Variants in PPIL4 observed in about 807,000 individuals in gnomAD.
PPIL4 encodes peptidyl-prolyl cis-trans isomerase-like 4.
PPIL4 carries 50 observed loss-of-function variants against 69.1 expected under a neutral mutation model. The observed-to-expected ratio is 0.72, with a 90% CI of 0.58 to 0.92. The LOEUF (loss-of-function observed/expected upper bound fraction) is 0.92. Among genes scored for constraint, PPIL4 ranks in the 40% least tolerant of loss-of-function variants. The pLI is 0.00. For missense variants in PPIL4, 480 were observed against 587.9 expected (o/e 0.82, Z 1.90); for synonymous variants, 193 against 191.6 (o/e 1.01, Z -0.06).
intron 6 of PPIL4, 49 bp downstream of exon 6, chr6:149,534,629 C>G (rs1030442922): frequency 1.0e-6 from 1 of 955,742 alleles, no homozygotes; most frequent in Non-Finnish European, 1.6e-6. Flanking sequence ...TAAATCCATA[C>G]AAATCATTAA....
intron 9 of PPIL4, among the ~76,000 whole-genome samples, chr6:149,524,625 T>A (rs974356121): frequency 6.6e-6 from 1 of 152,136 alleles, no homozygotes; most frequent in Admixed American, 6.5e-5. Flanking sequence ...ATTGGCTGAG[T>A]GTTGTGGCTT....
chr6:149,532,231 TA>T (rs1777210519), intron 7 of PPIL4, among the ~76,000 whole-genome samples: 1 of 152,224 alleles, frequency 6.6e-6, no homozygotes, highest in African/African-American at 2.4e-5. Context: ...TGAATGTGGG[TA>T]AAAGGTATAT....
intron 9 of PPIL4, among the ~76,000 whole-genome samples, chr6:149,523,735 G>A (rs1360277975): frequency 6.6e-6 from 1 of 151,798 alleles, no homozygotes; most frequent in Non-Finnish European, 1.5e-5. Flanking sequence ...TGGCATAGCT[G>A]CAAAAAACTC....
In PPIL4 at chr6:149,508,719, T is replaced by G. The variant is rs189661412; in HGVS notation, c.1228-3015A>C. 2.6e-5 allele frequency among the ~76,000 whole-genome samples: 4 copies of G among 152,276 alleles called. No homozygotes were observed. In the East Asian group the frequency reaches 5.8e-4, roughly 22 times the overall value. ...AGGCAACCCCCAGCTGAATACGCAT[T>G]TCCTGTAACCCCAGTAAAACCCAAA... On this transcript the variant is annotated intron_variant, in intron 12 of 12. Transcript: ENST00000253329.
chr6:149,540,297 G>C (rs191720522), intron 4 of PPIL4, among the ~76,000 whole-genome samples: 13 of 152,142 alleles, frequency 8.5e-5, no homozygotes, highest in Middle Eastern at 3.4e-3. Context: ...AAGGTACTCT[G>C]CGTAATGTTT....
At chr6:149,508,769 T>G (rs370329155) in intron 12 of PPIL4, among the ~76,000 whole-genome samples, 7 of 152,252 alleles carry the variant, frequency 4.6e-5, no homozygotes, top group South Asian at 4.1e-4. Flanking sequence ...AAACCATCTC[T>G]GGAATTAAGA....
chr6:149,537,230 G>A (rs1371737934), intron 4 of PPIL4, among the ~76,000 whole-genome samples: 4 of 152,070 alleles, frequency 2.6e-5, no homozygotes, highest in Non-Finnish European at 5.9e-5. Flanking sequence ...TTTCCATGAA[G>A]ACGAAACAGC....
At chr6:149,518,262 C>G (rs567757193) in intron 10 of PPIL4, among the ~76,000 whole-genome samples, 4 of 152,284 alleles carry the variant, frequency 2.6e-5, no homozygotes, top group African/African-American at 9.6e-5. Flanking sequence ...TTCAATGCAG[C>G]CTCTCTACTC....
At chr6:149,518,979 A>G (rs1329577592) in intron 10 of PPIL4, among the ~76,000 whole-genome samples, 1 of 152,256 alleles carries the variant, frequency 6.6e-6, no homozygotes, top group Non-Finnish European at 1.5e-5. Flanking sequence ...TATAAATGTG[A>G]ATCAATAACA....
At chr6:149,545,394 A>T (rs1482620293) in intron 1 of PPIL4, among the ~76,000 whole-genome samples, 1 of 152,104 alleles carries the variant, frequency 6.6e-6, no homozygotes, top group Admixed American at 6.6e-5. Flanking sequence ...CCAGTGGAAA[A>T]ATCAGACCCT....
At chr6:149,522,776 C>T (rs1201120125) in intron 9 of PPIL4, among the ~76,000 whole-genome samples, 2 of 152,080 alleles carry the variant, frequency 1.3e-5, no homozygotes, top group Admixed American at 6.5e-5. Context: ...CCATGCCCAG[C>T]TAATTTTTGT....
intron 1 of PPIL4, 82 bp downstream of exon 1, chr6:149,545,854 T>C (rs1057496248): frequency 7.7e-7 from 1 of 1,294,292 alleles, no homozygotes; most frequent in Non-Finnish European, 1.1e-6. Flanking sequence ...AGCCAATCTC[T>C]GCCCTGGACT....
At chr6:149,528,647 A>G (rs112520139) in intron 7 of PPIL4, among the ~76,000 whole-genome samples, 1 of 152,260 alleles carries the variant, frequency 6.6e-6, no homozygotes, top group African/African-American at 2.4e-5. Context: ...GTGAGGCAAA[A>G]GAAACCCTCA....
At chr6:149,509,546 A>C (rs935264448) in intron 12 of PPIL4, among the ~76,000 whole-genome samples, 2 of 152,242 alleles carry the variant, frequency 1.3e-5, no homozygotes, top group Non-Finnish European at 2.9e-5. Flanking sequence ...TACAGCCACC[A>C]GTAAAGAAGA....
chr6:149,515,504 C>T (rs898416303), intron 11 of PPIL4, among the ~76,000 whole-genome samples: 3 of 152,126 alleles, frequency 2.0e-5, no homozygotes, highest in African/African-American at 7.2e-5. Context: ...TATCTCTTTG[C>T]AATATTTATT....
intron 12 of PPIL4, among the ~76,000 whole-genome samples, chr6:149,509,673 T>TA (rs1228656496): frequency 6.6e-6 from 1 of 152,118 alleles, no homozygotes; most frequent in Non-Finnish European, 1.5e-5. Flanking sequence ...AAAATAACAT[T>TA]AGAGTTTAGG....
At chr6:149,512,340 A>G (rs975956068) in intron 11 of PPIL4, 38 bp from the exon 12 acceptor site, 48 of 1,497,902 alleles carry the variant, frequency 3.2e-5, no homozygotes, top group Non-Finnish European at 4.4e-5. Context: ...GATAAATAAT[A>G]CTGGTAAGAC....
rs1023886366 is a variant in PPIL4, at chr6:149,505,769, T to G, written c.1228-65A>C. On this transcript the variant is annotated intron_variant, in intron 12 of 12. Coordinates refer to ENST00000253329, the MANE Select transcript of PPIL4 (RefSeq NM_139126.4). ...TAATCATTTTGTGGGCATTTTCAAT[T>G]AATAAAACTTAGAAAAGTCTACCAT... is the stretch of plus-strand genomic sequence containing the variant. 3 of 1,477,698 alleles carry G rather than the reference T, an allele frequency of 2.0e-6. No homozygotes were observed. The Admixed American group carries it at 6.1e-5, about 30-fold the overall frequency. The allele number at this position is 1,477,698 out of a possible 1,614,324, so 91.5% of individuals were successfully genotyped here. A position where few individuals can be genotyped will look rare whatever the true frequency, so the allele number is the denominator to read the frequency against.
chr6:149,542,278 C>T (rs903877654), intron 1 of PPIL4, among the ~76,000 whole-genome samples: 8 of 152,158 alleles, frequency 5.3e-5, no homozygotes, highest in South Asian at 2.1e-4. Context: ...GTCAAACACC[C>T]GGGGTCATTT....
Sources: gnomAD v4.1 joint callset for allele counts (sites outside exome capture counted in the v4.1 genomes callset) on GRCh38, gnomAD v4.1.1 for gene constraint, MANE v1.5 for transcripts, NCBI Gene and HGNC (gene_info 2026-07-23, HGNC 2026-07-21) for gene names.